USP48: variants seen among roughly 807,000 people sequenced by gnomAD.
USP48 encodes ubiquitin carboxyl-terminal hydrolase 48.
USP48 carries 43 observed loss-of-function variants against 150.7 expected under a neutral mutation model. The ratio of observed to expected loss-of-function variants is 0.29; its 90% CI spans 0.22 to 0.37. The LOEUF (loss-of-function observed/expected upper bound fraction) is 0.37. Among genes scored for constraint, USP48 ranks in the 10% least tolerant of loss-of-function variants. The pLI is 1.00. For synonymous variants in USP48, 396 were observed against 425.9 expected (o/e 0.93, Z 0.86); for missense variants, 813 against 1,249.6 (o/e 0.65, Z 5.27).
chr1:21,703,732 G>A, intron 20 of USP48, 114 bp from the exon 21 acceptor site: 1 of 854,882 alleles, frequency 1.2e-6, no homozygotes. Context: ...TAAACTCTTA[G>A]TAACATTTTC....
chr1:21,701,734 G>C (rs1456663421), intron 21 of USP48, 132 bp from the exon 22 acceptor site: 1 of 642,028 alleles, frequency 1.6e-6, no homozygotes, highest in Non-Finnish European at 2.7e-6. Context: ...TTATAGACTG[G>C]AGAGTGGATC....
At chr1:21,701,226 T>A (rs1441835036) in intron 22 of USP48, among the ~76,000 whole-genome samples, 2 of 145,818 alleles carry the variant, frequency 1.4e-5, no homozygotes, top group African/African-American at 2.5e-5. Context: ...ATTAGCCGGG[T>A]GTGGTGGTGG....
chr1:21,781,146 CG>C (rs2097913481), intron 1 of USP48, among the ~76,000 whole-genome samples: 1 of 146,700 alleles, frequency 6.8e-6, no homozygotes, highest in Admixed American at 6.8e-5. Flanking sequence ...GCCTGGCGGG[CG>C]GTGGCTCACG....
chr1:21,742,292 C>T (rs1176524373), intron 8 of USP48, among the ~76,000 whole-genome samples: 2 of 152,002 alleles, frequency 1.3e-5, no homozygotes, highest in Non-Finnish European at 2.9e-5. Flanking sequence ...GCCTGTAATC[C>T]CAGCACTTTT....
At chr1:21,750,041 C>T (rs1451552979) in intron 6 of USP48, among the ~76,000 whole-genome samples, 1 of 152,168 alleles carries the variant, frequency 6.6e-6, no homozygotes, top group Non-Finnish European at 1.5e-5. Flanking sequence ...ATTCTCAGCA[C>T]CCATAGTTAT....
intron 11 of USP48, among the ~76,000 whole-genome samples, chr1:21,725,402 G>T (rs555318129): frequency 6.6e-6 from 1 of 152,270 alleles, no homozygotes; most frequent in East Asian, 1.9e-4. Context: ...GAGCTTTTTG[G>T]AAGAAAAGAG....
chr1:21,729,935 A>T (rs2097752341), intron 9 of USP48, 103 bp from the exon 10 acceptor site: 3 of 1,362,942 alleles, frequency 2.2e-6, no homozygotes, highest in Non-Finnish European at 3.0e-6. Context: ...CACCCAAGAC[A>T]CATTAACACC....
Position 21,703,534 on chromosome 1 carries a change from T to C in USP48, c.2600A>G (p.His867Arg), listed in dbSNP as rs753863826. ...REYTQATIYV[H>R]KVVDNKKVMK... ...TACCTTTTTATTATCCACAACTTTA[T>C]GGACATAGATGGTGGCTTGAGTGTA... Residue 867 changes from histidine (H) to arginine (R), a missense_variant, in exon 21 of 27, where the codon CAT becomes CGT. Transcript: ENST00000308271. 10 of 1,612,906 alleles carry C rather than the reference T, an allele frequency of 6.2e-6. No homozygotes were observed. The South Asian group carries it at 9.9e-5, about 16-fold the overall frequency.
At chr1:21,719,341 T>C (rs1210204111) in intron 14 of USP48, among the ~76,000 whole-genome samples, 2 of 151,586 alleles carry the variant, frequency 1.3e-5, no homozygotes, top group African/African-American at 4.8e-5. Context: ...CTCTTCAAGT[T>C]TGAAAATGTT....
At chr1:21,715,359 A>T in intron 15 of USP48, 30 bp downstream of exon 15, 2 of 1,541,826 alleles carry the variant, frequency 1.3e-6, no homozygotes, top group Non-Finnish European at 1.8e-6. Context: ...AAGGACAATA[A>T]AACAGAATTC....
At chr1:21,762,329 T>C (rs1557594463) in intron 1 of USP48, among the ~76,000 whole-genome samples, 1 of 152,054 alleles carries the variant, frequency 6.6e-6, no homozygotes, top group Non-Finnish European at 1.5e-5. Context: ...AGAAAATCTC[T>C]CCTGGGAACA....
intron 26 of USP48, among the ~76,000 whole-genome samples, chr1:21,680,102 T>C (rs533971563): frequency 1.3e-5 from 2 of 152,356 alleles, no homozygotes; most frequent in African/African-American, 2.4e-5. Flanking sequence ...GAAGACTTTA[T>C]TTTGGCCAGT....
intron 25 of USP48, among the ~76,000 whole-genome samples, chr1:21,681,608 A>G (rs1352315460): frequency 6.6e-6 from 1 of 152,178 alleles, no homozygotes; most frequent in Non-Finnish European, 1.5e-5. Context: ...TCAGTGAAGG[A>G]TACAAACAGC....
chr1:21,746,125 C>T (rs573821834), intron 8 of USP48, among the ~76,000 whole-genome samples: 30 of 152,264 alleles, frequency 2.0e-4, no homozygotes, highest in Non-Finnish European at 3.1e-4. Flanking sequence ...AAGGTTTTTA[C>T]AGCTTGCTTC....
chr1:21,708,884 C>CA (rs1181628764), intron 15 of USP48, among the ~76,000 whole-genome samples: 945 of 16,376 alleles, frequency 0.058, 50 homozygotes, highest in African/African-American at 0.11. Context: ...GACTCCGTCT[C>CA]AAAAAAAAAA....
At chr1:21,758,239 T>C (rs2097841849) in intron 1 of USP48, among the ~76,000 whole-genome samples, 1 of 148,958 alleles carries the variant, frequency 6.7e-6, no homozygotes, top group Non-Finnish European at 1.5e-5. Context: ...GAAAAAGATA[T>C]CTATGAACAG....
chr1:21,742,583 G>GA (rs770242142), intron 8 of USP48, among the ~76,000 whole-genome samples: 2 of 146,554 alleles, frequency 1.4e-5, no homozygotes, highest in Non-Finnish European at 3.0e-5. Context: ...AAAAGAAAAA[G>GA]AAAAGAAAAG....
At chr1:21,722,651 C>T (rs1277124853) in intron 12 of USP48, among the ~76,000 whole-genome samples, 1 of 151,966 alleles carries the variant, frequency 6.6e-6, no homozygotes, top group Non-Finnish European at 1.5e-5. Flanking sequence ...TCAAGACCAG[C>T]CTGGGCAACA....
At chr1:21,740,147 G>C (rs2097778179) in intron 8 of USP48, among the ~76,000 whole-genome samples, 1 of 152,318 alleles carries the variant, frequency 6.6e-6, no homozygotes, top group Admixed American at 6.5e-5. Flanking sequence ...CCAAACTCGG[G>C]TGATCCACCC....
Sources: allele counts gnomAD v4.1 joint callset (sites outside exome capture counted in the v4.1 genomes callset), GRCh38; gene constraint gnomAD v4.1.1; transcripts MANE v1.5; gene names NCBI Gene and HGNC (gene_info 2026-07-23, HGNC 2026-07-21).